Variants in ICA1 observed in about 807,000 individuals in gnomAD.
The protein encoded by ICA1 is 69 kDa islet cell autoantigen.
ICA1 carries 40 observed loss-of-function variants against 71.0 expected under a neutral mutation model. That is an observed-to-expected ratio of 0.56 (90% CI 0.44 to 0.73). The LOEUF is 0.73. Among genes scored for constraint, ICA1 ranks in the 30% least tolerant of loss-of-function variants. ICA1 has a pLI of 0.00. For missense variants in ICA1, 578 were observed against 576.5 expected, an observed-to-expected ratio of 1.00 and a Z score of -0.03; for synonymous variants, 207 against 209.5, an observed-to-expected ratio of 0.99 and a Z score of 0.10.
intron 13 of ICA1, among the ~76,000 whole-genome samples, chr7:8,126,538 TAAAAA>T (rs543328549): frequency 2.0e-5 from 3 of 151,264 alleles, no homozygotes; most frequent in Non-Finnish European, 4.4e-5. Flanking sequence ...GTATTTCATT[TAAAAA>T]AAAAGACTTT....
chr7:8,237,819 G>GACACAC lies in ICA1; in HGVS notation c.-79-1820_-79-1815dup, dbSNP rs57343882. On this transcript the variant is annotated intron_variant, in intron 1 of 13. Transcript: ENST00000402384. The stretch of plus-strand genomic sequence containing the variant: ...CATTGTATATGCAATGTTGAAGACA[G>GACACAC]ACACACACACACACACACACACACA... 2.8e-3 allele frequency among the ~76,000 whole-genome samples: 398 copies of GACACAC among 142,156 alleles called. 3 individuals carry two copies. Among genetic ancestry groups the GACACAC allele is most frequent in the African/African-American group, 9.1e-3 (359 of 39,486 alleles). The allele number at this position is 142,156 out of a possible 152,430, so 93.3% of individuals were successfully genotyped here.
intron 6 of ICA1, among the ~76,000 whole-genome samples, chr7:8,214,594 G>C (rs1284324549): frequency 6.6e-6 from 1 of 152,082 alleles, no homozygotes; most frequent in East Asian, 1.9e-4. Flanking sequence ...TGCCTGGCAG[G>C]GTCCTTCTTG....
chr7:8,214,251 C>T (rs1794711345), intron 6 of ICA1, among the ~76,000 whole-genome samples: 1 of 152,216 alleles, frequency 6.6e-6, no homozygotes, highest in South Asian at 2.1e-4. Flanking sequence ...AGGACTCTCT[C>T]AAGGGCATTC....
At chr7:8,214,790 C>T (rs1329706567) in intron 6 of ICA1, among the ~76,000 whole-genome samples, 1 of 152,170 alleles carries the variant, frequency 6.6e-6, no homozygotes, top group African/African-American at 2.4e-5. Flanking sequence ...GTCATGCTCA[C>T]TGTGTGCTAT....
In ICA1 at chr7:8,144,019, G is replaced by C; in HGVS notation, c.805-47C>G. The C allele has an allele frequency of 9.5e-7, 1 of 1,055,068 alleles. No homozygotes were observed. The highest frequency in any genetic ancestry group is 1.4e-6 in the Non-Finnish European group (1 of 706,758). The allele number at this position is 1,055,068 out of a possible 1,614,324, so 65.4% of individuals were successfully genotyped here. ...AATGAAAAAGAAAAAAAAAGAAGAA[G>C]AAATAGAGACAAAAAAAAGAAAAGA... is the stretch of plus-strand genomic sequence containing the variant. On this transcript the variant is annotated intron_variant, in intron 8 of 13. Coordinates refer to ENST00000402384, the MANE Select transcript of ICA1 (RefSeq NM_001136020.3). This position sits in a 1 kb window ranked among gnomAD's most constrained non-coding sequence, Gnocchi z 4.5.
chr7:8,200,043 A>C (rs1305864686), intron 6 of ICA1, among the ~76,000 whole-genome samples: 1 of 152,216 alleles, frequency 6.6e-6, no homozygotes, highest in Non-Finnish European at 1.5e-5. Flanking sequence ...GTACATTTTA[A>C]AGTAACTAAA....
intron 6 of ICA1, among the ~76,000 whole-genome samples, chr7:8,165,961 C>T (rs1216041969): frequency 6.6e-6 from 1 of 152,158 alleles, no homozygotes; most frequent in Non-Finnish European, 1.5e-5. Context: ...ATCACAGGTT[C>T]AATGCTATTC....
At chr7:8,250,538 T>C (rs1446376150) in intron 1 of ICA1, among the ~76,000 whole-genome samples, 5 of 152,208 alleles carry the variant, frequency 3.3e-5, no homozygotes, top group Non-Finnish European at 7.3e-5. Context: ...TTTTGGATTT[T>C]TGACGTGGAC....
intron 6 of ICA1, among the ~76,000 whole-genome samples, chr7:8,211,395 G>A (rs1213862276): frequency 6.6e-6 from 1 of 152,196 alleles, no homozygotes; most frequent in East Asian, 1.9e-4. Flanking sequence ...GGGAGGCTTA[G>A]CGTGGTTAAT....
intron 1 of ICA1, among the ~76,000 whole-genome samples, chr7:8,255,698 A>T (rs1027776971): frequency 6.6e-6 from 1 of 151,518 alleles, no homozygotes; most frequent in Non-Finnish European, 1.5e-5. Context: ...GCACTCTCAA[A>T]TTCTTCTTTC....
At chr7:8,202,935 A>T (rs985207212) in intron 6 of ICA1, among the ~76,000 whole-genome samples, 1 of 152,246 alleles carries the variant, frequency 6.6e-6, no homozygotes, top group African/African-American at 2.4e-5. Flanking sequence ...TTTAACATGC[A>T]TATCAGGACA....
chr7:8,150,832 T>C (rs920591885), intron 8 of ICA1, among the ~76,000 whole-genome samples: 13 of 152,210 alleles, frequency 8.5e-5, no homozygotes, highest in African/African-American at 3.1e-4. Context: ...TGCTTTCTCC[T>C]CCTCCCTTCC....
At chr7:8,161,600 G>C (rs1456224268) in intron 6 of ICA1, among the ~76,000 whole-genome samples, 1 of 152,176 alleles carries the variant, frequency 6.6e-6, no homozygotes, top group Non-Finnish European at 1.5e-5. Flanking sequence ...CTTTGAGAGG[G>C]CCATCAGAAT....
chr7:8,147,991 A>G (rs542935127), intron 8 of ICA1, among the ~76,000 whole-genome samples: 2 of 152,152 alleles, frequency 1.3e-5, no homozygotes, highest in Non-Finnish European at 1.5e-5. Flanking sequence ...GCGATTCTAC[A>G]TGGTCCCAGT....
At chr7:8,186,852 A>G (rs932001970) in intron 6 of ICA1, among the ~76,000 whole-genome samples, 25 of 152,224 alleles carry the variant, frequency 1.6e-4, no homozygotes, top group African/African-American at 6.0e-4. Flanking sequence ...TTCTTATTCC[A>G]GTAATGTTGT....
chr7:8,196,913 T>G (rs1453560699), intron 6 of ICA1, among the ~76,000 whole-genome samples: 5 of 152,046 alleles, frequency 3.3e-5, no homozygotes, highest in Non-Finnish European at 7.4e-5. Context: ...CTGGACAAGC[T>G]TTCTTTCCTC....
intron 6 of ICA1, among the ~76,000 whole-genome samples, chr7:8,172,792 C>G (rs954429935): frequency 6.6e-6 from 1 of 152,106 alleles, no homozygotes; most frequent in Non-Finnish European, 1.5e-5. Flanking sequence ...TTTCTTGTTA[C>G]GCAATTTCTG....
chr7:8,200,584 G>T (rs946195539), intron 6 of ICA1, among the ~76,000 whole-genome samples: 1 of 152,128 alleles, frequency 6.6e-6, no homozygotes, highest in African/African-American at 2.4e-5. Flanking sequence ...TATGGAAGGG[G>T]CCTTGCTGGG....
At chr7:8,128,233 T>A in intron 12 of ICA1, 91 bp from the exon 13 acceptor site, 1 of 1,302,420 alleles carries the variant, frequency 7.7e-7, no homozygotes, top group Non-Finnish European at 1.1e-6. Flanking sequence ...GGGAGACTGG[T>A]TGATGGCTAG....
Sources: gnomAD v4.1 joint callset for allele counts (sites outside exome capture counted in the v4.1 genomes callset) on GRCh38, gnomAD v4.1.1 for gene constraint, Gnocchi (gnomAD v3.1) non-coding constraint, MANE v1.5 for transcripts, NCBI Gene and HGNC (gene_info 2026-07-23, HGNC 2026-07-21) for gene names.